POR: variants seen among roughly 807,000 people sequenced by gnomAD.
POR encodes the protein cytochrome p450 oxidoreductase.
POR carries 56 observed loss-of-function variants against 84.0 expected under a neutral mutation model. The ratio of observed to expected loss-of-function variants is 0.67; its 90% CI spans 0.54 to 0.83. The LOEUF (loss-of-function observed/expected upper bound fraction) is 0.83. Among genes scored for constraint, POR ranks in the 40% least tolerant of loss-of-function variants. The pLI is 0.00. For missense variants in POR, 938 were observed against 944.3 expected (o/e 0.99, Z 0.09); for synonymous variants, 414 against 400.5 (o/e 1.03, Z -0.40).
intron 1 of POR, among the ~76,000 whole-genome samples, chr7:75,917,104 G>A (rs562406838): frequency 4.8e-4 from 73 of 151,436 alleles, no homozygotes; most frequent in African/African-American, 1.7e-3. Flanking sequence ...GTCTCACTCT[G>A]TCGTGCAGGC....
rs10272888 is a variant in POR at position 75,941,346 on chromosome 7, G to A, written c.-4-12643G>A. Among the ~76,000 whole-genome samples, 1,142 of 152,278 alleles carry A rather than the reference G, an allele frequency of 7.5e-3. 12 individuals are homozygous for A. Among genetic ancestry groups the A allele is most frequent in the African/African-American group, 0.026 (1,084 of 41,558 alleles). ...TCGAGACAGCATGGACATGGTTCAC[G>A]TATTCCGGAAGTATTTCTCTAGCTG... On this transcript the variant is annotated intron_variant, in intron 1 of 15. Transcript: ENST00000461988.
intron 1 of POR, among the ~76,000 whole-genome samples, chr7:75,934,277 T>C (rs1275747747): frequency 6.6e-6 from 1 of 151,886 alleles, no homozygotes; most frequent in Non-Finnish European, 1.5e-5. Flanking sequence ...GTTTGTATAA[T>C]TCCCTTATAA....
intron 1 of POR, among the ~76,000 whole-genome samples, chr7:75,918,875 G>T (rs940615564): frequency 3.9e-5 from 6 of 152,126 alleles, no homozygotes; most frequent in Non-Finnish European, 7.4e-5. Flanking sequence ...GGCATGTAGG[G>T]TGTAGATTGC....
At position 75,982,233 on chromosome 7, in the gene POR, G is replaced by A. The variant is rs1554558172; in HGVS notation, c.741G>A (p.Gln247=). ...GGTCTCCCCTTTCCAGCATTCGCCA[G>A]TACGAGCTTGTGGTCCACACCGACA... The change falls in exon 8 of 16, where the codon CAG becomes CAA. Residue 247 remains glutamine (Q), a synonymous_variant. Transcript: ENST00000461988. 1 of 1,610,890 alleles carries A rather than the reference G, an allele frequency of 6.2e-7. No homozygotes were observed. The highest frequency in any genetic ancestry group is 1.7e-5 in the Admixed American group (1 of 59,550).
intron 2 of POR, among the ~76,000 whole-genome samples, chr7:75,966,728 C>T (rs557201394): frequency 9.2e-5 from 14 of 152,280 alleles, no homozygotes; most frequent in African/African-American, 3.4e-4. Flanking sequence ...CAAAATGAAC[C>T]GCACATCTCG....
intron 2 of POR, among the ~76,000 whole-genome samples, chr7:75,961,688 A>G (rs1206732864): frequency 1.3e-5 from 2 of 152,164 alleles, no homozygotes; most frequent in African/African-American, 2.4e-5. Flanking sequence ...CCCAGATGTC[A>G]TATTTCATCA....
Position 75,966,310 on chromosome 7 carries a change from C to T in POR, c.189-6103C>T, listed in dbSNP as rs965589564. ...TCATCAGAGTCCCTGTCCGCAGAGACAGCTGCTGGCTTCTGTCTGAGCTCC... is the reference window on the plus strand; with the variant it reads ...TCATCAGAGTCCCTGTCCGCAGAGATAGCTGCTGGCTTCTGTCTGAGCTCC... On this transcript the variant is annotated intron_variant, in intron 2 of 15. Coordinates refer to ENST00000461988, the MANE Select transcript of POR (RefSeq NM_000941.3). 3.9e-5 allele frequency among the ~76,000 whole-genome samples: 6 copies of T among 152,294 alleles called. No homozygotes were observed. The East Asian group carries it at 1.2e-3, about 29-fold the overall frequency.
intron 1 of POR, among the ~76,000 whole-genome samples, chr7:75,934,429 G>T (rs1295075541): frequency 6.6e-6 from 1 of 152,102 alleles, no homozygotes; most frequent in East Asian, 1.9e-4. Context: ...AAAGGGAAGC[G>T]GAATGTAAGT....
intron 2 of POR, among the ~76,000 whole-genome samples, chr7:75,968,688 C>T (rs527733502): frequency 1.2e-4 from 18 of 152,334 alleles, no homozygotes; most frequent in Non-Finnish European, 2.5e-4. Context: ...GGCACAGGTC[C>T]GCCTCCAGCT....
intron 2 of POR, among the ~76,000 whole-genome samples, chr7:75,962,509 G>A (rs1787982682): frequency 6.6e-6 from 1 of 152,138 alleles, no homozygotes; most frequent in African/African-American, 2.4e-5. Flanking sequence ...ATGTTGCCCA[G>A]GCTGGTCTTG....
At chr7:75,983,885 G>T (rs41301397) in intron 10 of POR, 29 bp downstream of exon 10, 2 of 1,547,746 alleles carry the variant, frequency 1.3e-6, no homozygotes, top group Non-Finnish European at 1.8e-6. Context: ...GCGCCCTGCC[G>T]GGCTCAGGCA....
chr7:75,976,036 A>G (rs1209527756), intron 3 of POR, among the ~76,000 whole-genome samples: 1 of 151,992 alleles, frequency 6.6e-6, no homozygotes, highest in East Asian at 1.9e-4. Flanking sequence ...CTCCCTGTCC[A>G]TAATCGGGGT....
chr7:75,972,794 C>T (rs1377885273), intron 3 of POR: 15 of 375,206 alleles, frequency 4.0e-5, no homozygotes, highest in African/African-American at 2.9e-4. Context: ...GGTCGTGGCA[C>T]CACTGCCATT....
At chr7:75,927,841 T>C (rs1554549708) in intron 1 of POR, among the ~76,000 whole-genome samples, 1 of 151,830 alleles carries the variant, frequency 6.6e-6, no homozygotes, top group African/African-American at 2.4e-5. Context: ...CAGCTAATTT[T>C]TGTATTTTTA....
intron 2 of POR, among the ~76,000 whole-genome samples, chr7:75,956,193 G>A (rs1204928688): frequency 6.6e-6 from 1 of 152,124 alleles, no homozygotes; most frequent in Non-Finnish European, 1.5e-5. Context: ...CAGCTACTAG[G>A]GAAGCTGAGG....
At position 75,969,497 on chromosome 7, in the gene POR, C is replaced by T. The variant is rs554275113; in HGVS notation, c.189-2916C>T. 3.3e-5 allele frequency among the ~76,000 whole-genome samples: 5 copies of T among 152,346 alleles called. No individual in the cohort carries two copies. In the South Asian group the frequency reaches 8.3e-4, roughly 25 times the overall value. ...AGTCTCATGCCCTCGGTGCCTGGCG[C>T]AGTGCCTCCCGTGCCCCCACCTGGC... On this transcript the variant is annotated intron_variant, in intron 2 of 15. Coordinates refer to ENST00000461988, the MANE Select transcript of POR (RefSeq NM_000941.3).
intron 1 of POR, among the ~76,000 whole-genome samples, chr7:75,925,417 CAA>C (rs1291751961): frequency 6.6e-6 from 1 of 152,094 alleles, no homozygotes; most frequent in Non-Finnish European, 1.5e-5. Flanking sequence ...CCCAGCTACT[CAA>C]GAGGCTGAAG....
At chr7:75,985,891 GC>G in intron 13 of POR, 31 bp from the exon 14 acceptor site, 2 of 1,559,248 alleles carry the variant, frequency 1.3e-6, no homozygotes, top group South Asian at 2.4e-5. Flanking sequence ...ACGACTGGGA[GC>G]CCCGCGCTCA....
At chr7:75,930,163 C>T (rs981346210) in intron 1 of POR, among the ~76,000 whole-genome samples, 1 of 152,272 alleles carries the variant, frequency 6.6e-6, no homozygotes, top group Middle Eastern at 3.4e-3. Context: ...GTGCTTGGCA[C>T]GTAGTAGGTG....
Sources: gnomAD v4.1 joint callset for allele counts (sites outside exome capture counted in the v4.1 genomes callset) on GRCh38, gnomAD v4.1.1 for gene constraint, MANE v1.5 for transcripts, NCBI Gene and HGNC (gene_info 2026-07-23, HGNC 2026-07-21) for gene names.